Variants in RPL3 observed in about 807,000 individuals in gnomAD.
RPL3 encodes large ribosomal subunit protein uL3.
In RPL3, 3 loss-of-function variants were observed where a neutral mutation model predicts 46.0. The observed-to-expected ratio is 0.07, with a 90% CI of 0.03 to 0.17. The LOEUF is 0.17. RPL3 is among the 10% of genes least tolerant of loss of function. The pLI, the probability that RPL3 is intolerant of heterozygous loss-of-function variation, is 1.00. For missense variants in RPL3, 387 were observed against 532.7 expected (o/e 0.73, Z 2.69); for synonymous variants, 224 against 190.8 (o/e 1.17, Z -1.43).
chr22:39,318,733 A>G (rs9611144), intron 1 of RPL3, 141 bp from the exon 2 acceptor site: 34,412 of 692,306 alleles, frequency 0.05, 1,005 homozygotes, highest in African/African-American at 0.083. Flanking sequence ...AAAGGTCATT[A>G]TCTCTTCCAG....
chr22:39,314,242 T>C (rs1369592603), intron 6 of RPL3, 34 bp from the exon 7 acceptor site: 1 of 1,575,058 alleles, frequency 6.3e-7, no homozygotes, highest in Non-Finnish European at 8.7e-7. Context: ...GGCTGGGGCA[T>C]TAGGGACAAA....
chr22:39,317,617 T>A lies in RPL3; in HGVS notation c.209A>T (p.Lys70Met). ...AATGGTCACAGCCTCCACCACCTCC[T>A]TCTTGTTCACCTCTGCAAAAAAAAA... ...VDRPGSKVNKKEVVEAVTIVE... is the reference protein window; with the variant it reads ...VDRPGSKVNKMEVVEAVTIVE... The change falls in exon 3 of 10, where the codon AAG becomes ATG. Residue 70 changes from lysine to methionine, a missense_variant. Around this residue, in one of 5 missense-constraint regions of RPL3, gnomAD observed 196 missense variants for 217.5 expected, o/e 0.90. Transcript: ENST00000216146. 6.2e-7 allele frequency: 1 copy of A among 1,613,654 alleles called. No homozygotes were observed. Among genetic ancestry groups the A allele is most frequent in the Non-Finnish European group, 8.5e-7 (1 of 1,179,658 alleles).
chr22:39,315,965 A>T (rs772229156), intron 4 of RPL3, among the ~76,000 whole-genome samples: 1 of 152,156 alleles, frequency 6.6e-6, no homozygotes, highest in Non-Finnish European at 1.5e-5. Flanking sequence ...CATCACCGGG[A>T]GCGGTGGCTC....
rs201422377 is a variant in RPL3 at position 39,314,885 on chromosome 22, A to C, written c.689-39T>G. 28 of 1,595,722 alleles carry C rather than the reference A, an allele frequency of 1.8e-5. No homozygotes were observed. In the South Asian group the frequency reaches 2.9e-4, roughly 16 times the overall value. On this transcript the variant is annotated intron_variant, in intron 5 of 9. Coordinates refer to ENST00000216146, the MANE Select transcript of RPL3 (RefSeq NM_000967.4). The stretch of plus-strand genomic sequence containing the variant: ...ACATTACTTCACCTCAGCGCCCAGC[A>C]CCTCCCACTGACCCCTTCCTGCTAC...
At chr22:39,318,699 C>T (rs1569498) in intron 1 of RPL3, 107 bp from the exon 2 acceptor site, 257,984 of 910,880 alleles carry the variant, frequency 0.28, 43,709 homozygotes, top group East Asian at 0.86. Context: ...AGAATCCTGA[C>T]CAGACACCCA....
In RPL3 at chr22:39,312,990, G is replaced by A; in HGVS notation, c.1168-6C>T. 1 of 1,614,136 alleles carries A rather than the reference G, an allele frequency of 6.2e-7. No homozygotes were observed. Among genetic ancestry groups the A allele is most frequent in the African/African-American group, 1.3e-5 (1 of 75,048 alleles). The stretch of plus-strand genomic sequence containing the variant: ...CGGTCTTTCTTCAGTGGTCCCTGTG[G>A]GGAGAGAGGCAGTGGTCAGAGGTAG... On this transcript the variant is annotated splice_region_variant and splice_polypyrimidine_tract_variant and intron_variant, in intron 9 of 9. Transcript: ENST00000216146.
intron 3 of RPL3, 132 bp downstream of exon 3, chr22:39,317,329 G>A: frequency 1.9e-6 from 2 of 1,045,358 alleles, no homozygotes; most frequent in Non-Finnish European, 2.7e-6. Flanking sequence ...GTATTTTTCT[G>A]TTCGAGAGGC....
chr22:39,318,482 G>A lies in RPL3; in HGVS notation c.114C>T (p.Ser38=), dbSNP rs528661096. Residue 38 remains serine, a synonymous_variant, in exon 2 of 10, where the codon TCC becomes TCT. Transcript: ENST00000216146. ...KVKSFPKDDP[S]KPVHLTAFLG... Reference sequence around the variant, plus strand: ...GGAAGGCTGTGAGGTGGACCGGCTTGGACGGGTCATCCTTAGGGAAGCTCT... The same window carrying A: ...GGAAGGCTGTGAGGTGGACCGGCTTAGACGGGTCATCCTTAGGGAAGCTCT... 144 of 1,614,014 alleles carry A rather than the reference G, an allele frequency of 8.9e-5. No individual in the cohort carries two copies. Among genetic ancestry groups the A allele is most frequent in the South Asian group, 4.8e-4 (44 of 91,076 alleles).
rs1922576971 is a variant in RPL3 at position 39,314,837 on chromosome 22, C to T, written c.698G>A (p.Ser233Asn). Residue 233 changes from serine to asparagine, a missense_variant, in exon 6 of 10, where the codon AGT becomes AAT. Transcript: ENST00000216146. Reference protein sequence around the residue: ...TKGKGYKGVTSRWHTKKLPRK... With the variant: ...TKGKGYKGVTNRWHTKKLPRK... ...GGGCAGCTTCTTGGTGTGCCAACGA[C>T]TGGTGACCCCTGGAATGGATACACA... 4 of 1,613,372 alleles carry T rather than the reference C, an allele frequency of 2.5e-6. No homozygotes were observed. The African/African-American group carries it at 5.3e-5, about 22-fold the overall frequency.
rs376187880 is a variant in RPL3 at position 39,314,113 on chromosome 22, G to T, written c.945C>A (p.Asn315Lys). The change falls in exon 7 of 10, where the codon AAC becomes AAA. Residue 315 changes from asparagine (N) to lysine (K), a missense_variant. Transcript: ENST00000216146. ...CAGAACACCCATTACTTACCAGAGG[G>T]TTGATGCTCTTGTCAGATAGGTCAT... The part of the protein sequence containing the change: ...TDYDLSDKSI[N>K]PLGGFVHYGE... 1.2e-6 allele frequency: 2 copies of T among 1,612,872 alleles called. No homozygotes were observed. The highest frequency in any genetic ancestry group is 1.7e-6 in the Non-Finnish European group (2 of 1,179,856).
intron 4 of RPL3, 141 bp downstream of exon 4, chr22:39,316,565 G>A (rs1046838636): frequency 1.5e-5 from 16 of 1,044,114 alleles, no homozygotes; most frequent in Non-Finnish European, 2.0e-5. Context: ...TGGTTCCCTT[G>A]CTAAGGGCCA....
chr22:39,316,585 CA>C, intron 4 of RPL3, 120 bp downstream of exon 4: 1 of 1,290,552 alleles, frequency 7.7e-7, no homozygotes, highest in Admixed American at 1.9e-5. Flanking sequence ...AGTAAGGACA[CA>C]GTGCCCTCTG....
At chr22:39,314,083 C>CAG (rs1569159496) in intron 7 of RPL3, 24 bp downstream of exon 7, 1 of 1,600,654 alleles carries the variant, frequency 6.2e-7, no homozygotes, top group Admixed American at 1.7e-5. Context: ...GATGGCCTCA[C>CAG]AGAGCAGAAC....
rs536044755 is a variant in RPL3, at chr22:39,315,062, A to G, written c.689-216T>C. The G allele has an allele frequency of 1.4e-4, 98 of 702,720 alleles. 2 individuals are homozygous for G. The South Asian group carries it at 1.6e-3, about 12-fold the overall frequency. 43.5% of individuals were successfully genotyped at this position (702,720 alleles called of 1,614,324 possible). ...ATGGGTGCTTTTTAAGGCATCCATTAGTTTAAGCTCCCCCATTCACAGGGA... is the reference window on the plus strand; with the variant it reads ...ATGGGTGCTTTTTAAGGCATCCATTGGTTTAAGCTCCCCCATTCACAGGGA... On this transcript the variant is annotated intron_variant, in intron 5 of 9. Coordinates refer to ENST00000216146, the MANE Select transcript of RPL3 (RefSeq NM_000967.4).
chr22:39,317,190 C>T, intron 3 of RPL3: 2 of 567,074 alleles, frequency 3.5e-6, no homozygotes, highest in Non-Finnish European at 6.3e-6. Context: ...AATTATTCTG[C>T]TACCTCTCCT....
In RPL3 at chr22:39,314,161, G is replaced by A. The variant is rs1267160360; in HGVS notation, c.897C>T (p.Ile299=). ...CATAGTCAGTGGAGGCATTGTTCTT[G>A]ATCAGCTTGCCGTCCTTGATAAGGT... ...QGYLIKDGKL[I]KNNASTDYDL... Residue 299 remains isoleucine (I), a synonymous_variant, in exon 7 of 10, where the codon ATC becomes ATT. Coordinates refer to ENST00000216146, the MANE Select transcript of RPL3 (RefSeq NM_000967.4). 4 of 1,613,580 alleles carry A rather than the reference G, an allele frequency of 2.5e-6. No individual in the cohort carries two copies. The South Asian group carries it at 4.4e-5, about 18-fold the overall frequency.
chr22:39,317,779 A>C (rs776589776), intron 2 of RPL3, 150 bp from the exon 3 acceptor site: 23 of 771,378 alleles, frequency 3.0e-5, no homozygotes, highest in South Asian at 2.0e-4. Context: ...CTTACTGCCT[A>C]TCTCTCATTC....
intron 4 of RPL3, 137 bp from the exon 5 acceptor site, chr22:39,315,692 A>C: frequency 2.2e-5 from 22 of 985,270 alleles, no homozygotes; most frequent in South Asian, 4.9e-5. Flanking sequence ...ACTGAACCTC[A>C]CCAAGAGGAA....
At chr22:39,318,014 C>T (rs960957269) in intron 2 of RPL3, 4 of 345,220 alleles carry the variant, frequency 1.2e-5, no homozygotes, top group African/African-American at 8.5e-5. Context: ...TTAGACATCT[C>T]TAAGTAGAAC....
Sources: allele counts gnomAD v4.1 joint callset (sites outside exome capture counted in the v4.1 genomes callset), GRCh38; gene constraint gnomAD v4.1.1; regional missense constraint gnomAD v4.1.1; transcripts MANE v1.5; gene names NCBI Gene and HGNC (gene_info 2026-07-23, HGNC 2026-07-21).